The following LARP1 variants were observed in gnomAD, a reference collection of about 807,000 sequenced individuals.
The protein encoded by LARP1 is La ribonucleoprotein 1, translational regulator, also known as la-related protein 1.
LARP1 carries 36 observed loss-of-function variants against 122.7 expected under a neutral mutation model. The observed-to-expected ratio is 0.29, with a 90% CI of 0.22 to 0.39. The LOEUF is 0.39. Ranked by LOEUF, LARP1 falls within the 10% of genes least tolerant of loss-of-function variation. The pLI is 1.00. For missense variants in LARP1, 1,040 were observed against 1,403.6 expected (o/e 0.74, Z 4.14); for synonymous variants, 539 against 528.7 (o/e 1.02, Z -0.27).
chr5:154,817,231 G>A lies in LARP1; in HGVS notation c.*3135G>A, dbSNP rs1357945733. 1 of 152,122 alleles carries A rather than the reference G, an allele frequency of 6.6e-6. No homozygotes were observed. The highest frequency in any genetic ancestry group is 1.5e-5 in the Non-Finnish European group (1 of 68,028). The allele number at this position is 152,122 out of a possible 1,614,324, so 9.4% of individuals were successfully genotyped here. A position where few individuals can be genotyped will look rare whatever the true frequency, so the allele number is the denominator to read the frequency against. On this transcript the variant is annotated 3_prime_UTR_variant, in exon 19 of 19. Coordinates refer to ENST00000518297, the MANE Select transcript of LARP1 (RefSeq NM_033551.3). ...CCCAGAGTACCTCCTGTGTGGAAGG[G>A]TCCCTGGATTTTCCCTAACACCCAC...
At chr5:154,760,165 C>T (rs145681289) in intron 1 of LARP1, among the ~76,000 whole-genome samples, 1,523 of 152,184 alleles carry the variant, frequency 0.01, 25 homozygotes, top group African/African-American at 0.034. Flanking sequence ...CTCAAACTCC[C>T]GACCTCAGGT....
chr5:154,719,929 T>G (rs1399881027), intron 1 of LARP1, among the ~76,000 whole-genome samples: 1 of 150,686 alleles, frequency 6.6e-6, no homozygotes, highest in East Asian at 2.0e-4. Context: ...TGGTGGCTTA[T>G]GCCTATAATC....
chr5:154,723,363 G>A (rs774631020), intron 1 of LARP1, among the ~76,000 whole-genome samples: 51 of 152,170 alleles, frequency 3.4e-4, no homozygotes, highest in Admixed American at 8.5e-4. Flanking sequence ...CAGAGCCCAC[G>A]GTCCTGCTGG....
At chr5:154,747,985 T>C (rs928719630) in intron 1 of LARP1, among the ~76,000 whole-genome samples, 1 of 152,204 alleles carries the variant, frequency 6.6e-6, no homozygotes, top group African/African-American at 2.4e-5. Context: ...AGTCTTGCCC[T>C]ACAGGTATGC....
intron 1 of LARP1, among the ~76,000 whole-genome samples, chr5:154,781,553 A>G (rs59556484): frequency 6.6e-6 from 1 of 152,158 alleles, no homozygotes; most frequent in African/African-American, 2.4e-5. Context: ...AGATGGCGCC[A>G]TTGCACTCCA....
rs1245616246 is a variant in LARP1 at position 154,756,243 on chromosome 5, A to G, written c.436+50A>G. On this transcript the variant is annotated intron_variant, in intron 1 of 18. Transcript: ENST00000518297. Reference sequence around the variant, plus strand: ...GGGTCCGGGGGCCTCTTCCGGGGACATGGGAGTCCCCTCCCCCAGCACCTC... The same window carrying G: ...GGGTCCGGGGGCCTCTTCCGGGGACGTGGGAGTCCCCTCCCCCAGCACCTC... 2.6e-6 allele frequency: 3 copies of G among 1,159,318 alleles called. 1 individual carries two copies. Among genetic ancestry groups the G allele is most frequent in the Non-Finnish European group, 1.1e-6 (1 of 920,710 alleles). 71.8% of individuals were successfully genotyped at this position (1,159,318 alleles called of 1,614,324 possible). A position where few individuals can be genotyped will look rare whatever the true frequency, so the allele number is the denominator to read the frequency against.
intron 10 of LARP1, 116 bp downstream of exon 10, chr5:154,800,158 G>A: frequency 2.2e-6 from 2 of 920,852 alleles, no homozygotes; most frequent in South Asian, 3.5e-5. Flanking sequence ...AATCTGGGTA[G>A]TTCAGGATCA....
chr5:154,775,543 G>A (rs1755805188), intron 1 of LARP1, among the ~76,000 whole-genome samples: 1 of 151,338 alleles, frequency 6.6e-6, no homozygotes, highest in Admixed American at 6.6e-5. Context: ...GCTTGCTGGA[G>A]CCCAGGCCTT....
At chr5:154,686,496 C>G (rs1234169065) in intron 1 of LARP1, among the ~76,000 whole-genome samples, 2 of 152,148 alleles carry the variant, frequency 1.3e-5, no homozygotes, top group Non-Finnish European at 2.9e-5. Flanking sequence ...GAATTACCTG[C>G]CAATATTTAT....
In LARP1 at chr5:154,797,230, T is replaced by TG. The variant is rs1561618072; in HGVS notation, c.1377+1911_1377+1912insG. Among the ~76,000 whole-genome samples, 300 of 123,156 alleles carry TG rather than the reference T, an allele frequency of 2.4e-3. 1 individual carries two copies. The highest frequency in any genetic ancestry group is 0.01 in the African/African-American group (297 of 28,414). The allele number at this position is 123,156 out of a possible 152,430, so 80.8% of individuals were successfully genotyped here. A position where few individuals can be genotyped will look rare whatever the true frequency, so the allele number is the denominator to read the frequency against. ...CTGTTTTGTTGTTGTTGTTTTTTTTTTTTTTTTTTTTTTTTTTTTTGAGAC... is the reference window on the plus strand; with the variant it reads ...CTGTTTTGTTGTTGTTGTTTTTTTTTGTTTTTTTTTTTTTTTTTTTTGAGAC... On this transcript the variant is annotated intron_variant, in intron 8 of 18. Transcript: ENST00000518297.
intron 1 of LARP1, among the ~76,000 whole-genome samples, chr5:154,715,094 C>A (rs1236610105): frequency 1.3e-5 from 2 of 150,960 alleles, no homozygotes; most frequent in Non-Finnish European, 3.0e-5. Flanking sequence ...GCAGGAGAAT[C>A]GCTTGAACCC....
chr5:154,742,405 TA>T (rs1391465985), intron 1 of LARP1, among the ~76,000 whole-genome samples: 1 of 151,890 alleles, frequency 6.6e-6, no homozygotes, highest in Non-Finnish European at 1.5e-5. Flanking sequence ...CTATTAAAAA[TA>T]AAATTAGTCA....
chr5:154,800,790 T>C lies in LARP1; in HGVS notation c.1716+748T>C, dbSNP rs576550491. Among the ~76,000 whole-genome samples, 4 of 152,242 alleles carry C rather than the reference T, an allele frequency of 2.6e-5. No individual in the cohort carries two copies. The South Asian group carries it at 8.3e-4, about 32-fold the overall frequency. On this transcript the variant is annotated intron_variant, in intron 10 of 18. Transcript: ENST00000518297. ...TGCAGAATTGACCTTGAACTTTGGG[T>C]CTATGGAATTCTATACTCCCTTATC... is the stretch of plus-strand genomic sequence containing the variant.
chr5:154,804,651 A>G (rs1214517897), intron 14 of LARP1: 10 of 409,126 alleles, frequency 2.4e-5, no homozygotes, highest in East Asian at 1.9e-4. Flanking sequence ...TGAGCCTACT[A>G]TGTCTTGGGA....
intron 1 of LARP1, among the ~76,000 whole-genome samples, chr5:154,780,539 C>A (rs1224867836): frequency 6.6e-6 from 1 of 152,170 alleles, no homozygotes. Flanking sequence ...GATTGGGAGA[C>A]AAGAACTTGA....
chr5:154,732,444 C>A (rs904609648), intron 1 of LARP1, among the ~76,000 whole-genome samples: 5 of 152,202 alleles, frequency 3.3e-5, no homozygotes, highest in Admixed American at 1.3e-4. Context: ...CTCTGATGAA[C>A]TAATGGTGGC....
At chr5:154,691,248 G>C (rs1290815311) in intron 1 of LARP1, among the ~76,000 whole-genome samples, 2 of 138,370 alleles carry the variant, frequency 1.4e-5, no homozygotes, top group East Asian at 2.1e-4. Flanking sequence ...GGCGACAGAG[G>C]GAGACTCCGT....
intron 7 of LARP1, among the ~76,000 whole-genome samples, chr5:154,794,521 C>G (rs936463649): frequency 1.3e-5 from 2 of 152,226 alleles, no homozygotes; most frequent in Admixed American, 6.5e-5. Flanking sequence ...AATCTACCCC[C>G]TTCTGTTCTT....
intron 1 of LARP1, among the ~76,000 whole-genome samples, chr5:154,756,809 C>T (rs1156520300): frequency 2.6e-5 from 4 of 152,112 alleles, no homozygotes; most frequent in African/African-American, 9.7e-5. Context: ...ATCGTGTCAT[C>T]GAATTCGGTG....
Sources: gnomAD v4.1 joint callset for allele counts (sites outside exome capture counted in the v4.1 genomes callset) on GRCh38, gnomAD v4.1.1 for gene constraint, MANE v1.5 for transcripts, NCBI Gene and HGNC (gene_info 2026-07-23, HGNC 2026-07-21) for gene names.